TRIM38: variants seen among roughly 807,000 people sequenced by gnomAD.
TRIM38 encodes the protein tripartite motif containing 38, also known as E3 ubiquitin-protein ligase TRIM38.
A neutral mutation model predicts 35.8 loss-of-function variants in TRIM38; 35 were observed. That is an observed-to-expected ratio of 0.98 (90% confidence interval 0.75 to 1.30). The LOEUF (loss-of-function observed/expected upper bound fraction) is 1.30. Among genes scored for constraint, TRIM38 ranks in the 50% most tolerant of loss-of-function variants. The pLI is 0.00. For missense variants in TRIM38, 545 were observed against 556.9 expected, an observed-to-expected ratio of 0.98 and a Z score of 0.21; for synonymous variants, 198 against 204.7, an observed-to-expected ratio of 0.97 and a Z score of 0.28.
At position 25,984,730 on chromosome 6, in the gene TRIM38, T is replaced by C. The variant is rs1186501512; in HGVS notation, c.*1043T>C. 1 of 151,990 alleles carries C rather than the reference T, an allele frequency of 6.6e-6. No homozygotes were observed. The highest frequency in any genetic ancestry group is 1.5e-5 in the Non-Finnish European group (1 of 68,030). 9.4% of individuals were successfully genotyped at this position (151,990 alleles called of 1,614,324 possible). A position where few individuals can be genotyped will look rare whatever the true frequency, so the allele number is the denominator to read the frequency against. ...CCTGTCTCTACTAAAAATACAAAAA[T>C]TAGCCGGGCATGGTGGTAGGGGCCT... On this transcript the variant is annotated 3_prime_UTR_variant, in exon 8 of 8. Transcript: ENST00000357085.
At chr6:25,975,563 T>G (rs569481838) in intron 7 of TRIM38, 2 of 947,028 alleles carry the variant, frequency 2.1e-6, no homozygotes, top group Non-Finnish European at 2.5e-6. Context: ...TTATTTTATT[T>G]TACATTGCCT....
At chr6:25,974,165 G>C (rs1345291863) in intron 7 of TRIM38, among the ~76,000 whole-genome samples, 1 of 152,204 alleles carries the variant, frequency 6.6e-6, no homozygotes. Context: ...TGTTGGTCAG[G>C]CTGTGTTCTT....
chr6:25,972,313 A>G (rs1388031692), intron 5 of TRIM38, among the ~76,000 whole-genome samples: 1 of 152,182 alleles, frequency 6.6e-6, no homozygotes, highest in African/African-American at 2.4e-5. Flanking sequence ...CCACGGGATA[A>G]CATTTACCAC....
At chr6:25,964,206 A>C (rs1759946734) in intron 2 of TRIM38, among the ~76,000 whole-genome samples, 2 of 152,226 alleles carry the variant, frequency 1.3e-5, no homozygotes, top group South Asian at 4.1e-4. Flanking sequence ...ATATAGCCTT[A>C]TTTATAAATA....
chr6:25,962,807 C>T lies in TRIM38; in HGVS notation c.-471C>T, dbSNP rs1052978717. The T allele has an allele frequency of 2.0e-5, 3 of 152,306 alleles. No individual in the cohort carries two copies. The highest frequency in any genetic ancestry group is 3.1e-3 in the Middle Eastern group (1 of 318). 9.4% of individuals were successfully genotyped at this position (152,306 alleles called of 1,614,324 possible). A position where few individuals can be genotyped will look rare whatever the true frequency, so the allele number is the denominator to read the frequency against. ...CTCAGTTTAATCCGGTCTGAGTTAA[C>T]TTCCTGACCCAGGAAGTGGCAGCAA... On this transcript the variant is annotated 5_prime_UTR_variant, in exon 1 of 8. Transcript: ENST00000357085.
At chr6:25,963,596 A>T (rs1265933821) in intron 2 of TRIM38, among the ~76,000 whole-genome samples, 2 of 152,148 alleles carry the variant, frequency 1.3e-5, no homozygotes, top group African/African-American at 4.8e-5. Flanking sequence ...TGGAGAAGAG[A>T]TAGTAAAAGT....
At position 25,988,895 on chromosome 6, in the gene TRIM38, G is replaced by A. The variant is rs1319856799; in HGVS notation, c.*5208G>A. 1 of 152,208 alleles carries A rather than the reference G, an allele frequency of 6.6e-6. No homozygotes were observed. The highest frequency in any genetic ancestry group is 1.5e-5 in the Non-Finnish European group (1 of 68,034). 9.4% of individuals were successfully genotyped at this position (152,208 alleles called of 1,614,324 possible). ...TGTGCAGGTTTTTGTGTGGAGATAA[G>A]TTTTCAATTCCTTTGGATAAATACT... On this transcript the variant is annotated 3_prime_UTR_variant, in exon 8 of 8. Transcript: ENST00000357085.
At chr6:25,963,738 C>T (rs12210098) in intron 2 of TRIM38, among the ~76,000 whole-genome samples, 39,820 of 151,994 alleles carry the variant, frequency 0.26, 5,867 homozygotes, top group Non-Finnish European at 0.34. Flanking sequence ...AAGGATAAAC[C>T]GGTTCTTCTG....
intron 7 of TRIM38, among the ~76,000 whole-genome samples, chr6:25,979,522 T>C (rs998491911): frequency 7.9e-5 from 12 of 152,100 alleles, no homozygotes; most frequent in Non-Finnish European, 1.8e-4. Context: ...AGATTTATTA[T>C]AAAGTTCTGT....
chr6:25,971,849 C>T lies in TRIM38; in HGVS notation c.508-20C>T. 1 of 1,604,256 alleles carries T rather than the reference C, an allele frequency of 6.2e-7. No homozygotes were observed. On this transcript the variant is annotated intron_variant, in intron 4 of 7. Transcript: ENST00000357085. ...CATTTGGTTTACTTCCACCTTTTGA[C>T]CATACTTTCTTGACTCCAGGAGAAG...
chr6:25,983,038 G>C (rs1760599101), intron 7 of TRIM38, 126 bp from the exon 8 acceptor site: 1 of 890,100 alleles, frequency 1.1e-6, no homozygotes, highest in Non-Finnish European at 1.6e-6. Flanking sequence ...GCAGTGAGTT[G>C]AGATAGTGCC....
At chr6:25,969,528 T>A in intron 4 of TRIM38, 108 bp downstream of exon 4, 1 of 854,110 alleles carries the variant, frequency 1.2e-6, no homozygotes, top group Non-Finnish European at 1.7e-6. Context: ...TAAACCAGAT[T>A]GAAAAAATGA....
At chr6:25,965,957 G>T (rs1165574929) in intron 2 of TRIM38, among the ~76,000 whole-genome samples, 4 of 150,870 alleles carry the variant, frequency 2.7e-5, no homozygotes, top group Non-Finnish European at 5.9e-5. Context: ...ACTGAGAAAA[G>T]AAAAATAATG....
chr6:25,973,416 A>G, intron 7 of TRIM38, 131 bp downstream of exon 7: 6 of 1,455,990 alleles, frequency 4.1e-6, no homozygotes, highest in Non-Finnish European at 5.4e-6. Flanking sequence ...GAGCTTTCAT[A>G]CTTTCTCTAG....
At chr6:25,968,434 C>T (rs574931633) in intron 3 of TRIM38, among the ~76,000 whole-genome samples, 288 of 152,280 alleles carry the variant, frequency 1.9e-3, no homozygotes, top group Non-Finnish European at 3.5e-3. Flanking sequence ...GGGATAATAG[C>T]AGTGTCCTCC....
At chr6:25,973,855 C>T (rs935111202) in intron 7 of TRIM38, 10 of 985,258 alleles carry the variant, frequency 1.0e-5, no homozygotes, top group African/African-American at 5.2e-5. Context: ...ACTGAGTTTC[C>T]TGCTCCCTTG....
chr6:25,982,857 T>G (rs1760593890), intron 7 of TRIM38, among the ~76,000 whole-genome samples: 1 of 152,058 alleles, frequency 6.6e-6, no homozygotes, highest in African/African-American at 2.4e-5. Flanking sequence ...GAGGCCGAGG[T>G]GGGTGGAACA....
chr6:25,977,614 C>G (rs183145239), intron 7 of TRIM38, among the ~76,000 whole-genome samples: 1 of 148,474 alleles, frequency 6.7e-6, no homozygotes, highest in Non-Finnish European at 1.5e-5. Context: ...TTGCAGTGAG[C>G]TGAGATTGTG....
chr6:25,967,548 T>TTA (rs1760097839), intron 3 of TRIM38, among the ~76,000 whole-genome samples: 5 of 63,192 alleles, frequency 7.9e-5, no homozygotes, highest in South Asian at 8.9e-4. Context: ...TTTTTTTTTT[T>TTA]TTCCTGAGGT....
Sources: gnomAD v4.1 joint callset for allele counts (sites outside exome capture counted in the v4.1 genomes callset) on GRCh38, gnomAD v4.1.1 for gene constraint, MANE v1.5 for transcripts, NCBI Gene and HGNC (gene_info 2026-07-23, HGNC 2026-07-21) for gene names.